CILP: variants seen among roughly 807,000 people sequenced by gnomAD.
CILP encodes the protein cartilage intermediate layer protein 1.
A neutral mutation model predicts 82.5 loss-of-function variants in CILP; 75 were observed. That is an observed-to-expected ratio of 0.91 (90% CI 0.75 to 1.10). CILP has a LOEUF of 1.10. Ranked by LOEUF, CILP falls within the 50% of genes least tolerant of loss-of-function variation. The pLI is 0.00. For missense variants in CILP, 1,479 were observed against 1,530.8 expected (o/e 0.97, Z 0.56); for synonymous variants, 530 against 580.3 (o/e 0.91, Z 1.25).
At chr15:65,208,126 C>T (rs1375768179) in intron 2 of CILP, among the ~76,000 whole-genome samples, 1 of 152,184 alleles carries the variant, frequency 6.6e-6, no homozygotes, top group African/African-American at 2.4e-5. Context: ...TGGCCTGGGA[C>T]TCCTGCTTTG....
Position 65,196,730 on chromosome 15 carries a change from C to T in CILP, c.*1G>A. 1 of 1,524,088 alleles carries T rather than the reference C, an allele frequency of 6.6e-7. No individual in the cohort carries two copies. Among genetic ancestry groups the T allele is most frequent in the Non-Finnish European group, 8.8e-7 (1 of 1,132,982 alleles). The allele number at this position is 1,524,088 out of a possible 1,614,324, so 94.4% of individuals were successfully genotyped here. A position where few individuals can be genotyped will look rare whatever the true frequency, so the allele number is the denominator to read the frequency against. ...CAGAAGAGGGTGAAGTACCACAAAA[C>T]TTAGTTGATCAGGGGCTGTTGAGCA... On this transcript the variant is annotated 3_prime_UTR_variant, in exon 9 of 9. Transcript: ENST00000261883.
At chr15:65,207,889 A>G in intron 2 of CILP, 125 bp from the exon 3 acceptor site, 1 of 734,898 alleles carries the variant, frequency 1.4e-6, no homozygotes, top group Non-Finnish European at 2.4e-6. Flanking sequence ...TTCAAACCCC[A>G]CTCTGCTACT....
chr15:65,204,208 A>G, intron 6 of CILP, 60 bp downstream of exon 6: 1 of 1,492,796 alleles, frequency 6.7e-7, no homozygotes, highest in Non-Finnish European at 9.2e-7. Context: ...TTAGCACTAT[A>G]ATCCCTTTAT....
chr15:65,195,992 C>T lies in CILP; in HGVS notation c.*739G>A, dbSNP rs2088356213. On this transcript the variant is annotated 3_prime_UTR_variant, in exon 9 of 9. Coordinates refer to ENST00000261883, the MANE Select transcript of CILP (RefSeq NM_003613.4). ...GCTCACTTTAATAGTTAAGACAGGACAGTGGCCTCAGAATCGAAATACAGA... is the reference window on the plus strand; with the variant it reads ...GCTCACTTTAATAGTTAAGACAGGATAGTGGCCTCAGAATCGAAATACAGA... The T allele has an allele frequency of 6.6e-6, 1 of 152,184 alleles. No homozygotes were observed. The highest frequency in any genetic ancestry group is 2.4e-5 in the African/African-American group (1 of 41,434). 9.4% of individuals were successfully genotyped at this position (152,184 alleles called of 1,614,324 possible). A position where few individuals can be genotyped will look rare whatever the true frequency, so the allele number is the denominator to read the frequency against.
At chr15:65,203,034 A>G (rs1032709361) in intron 7 of CILP, among the ~76,000 whole-genome samples, 3 of 151,878 alleles carry the variant, frequency 2.0e-5, no homozygotes, top group African/African-American at 4.8e-5. Flanking sequence ...ACAGGGCTTT[A>G]CTATGTTGTC....
intron 6 of CILP, among the ~76,000 whole-genome samples, chr15:65,203,944 A>G (rs1201149281): frequency 6.6e-6 from 1 of 152,242 alleles, no homozygotes; most frequent in Non-Finnish European, 1.5e-5. Context: ...TGAGGGAGCA[A>G]GCCACGCCAA....
intron 2 of CILP, among the ~76,000 whole-genome samples, chr15:65,208,571 G>C (rs1007256517): frequency 2.0e-5 from 3 of 152,126 alleles, no homozygotes. Flanking sequence ...GACTCCTATG[G>C]CCTAATTGGG....
Position 65,197,337 on chromosome 15 carries a change from C to T in CILP, c.2949G>A (p.Lys983=), listed in dbSNP as rs1156603288. Residue 983 remains lysine, a synonymous_variant, in exon 9 of 9, where the codon AAG becomes AAA. Transcript: ENST00000261883. ...TCCTCACATCTCGGATTCCATACAG[C>T]TTCCCCACTGTCTGCCGATGAGTGC... ...MGGTHRQTVG[K]LYGIRDVRST... The T allele has an allele frequency of 4.3e-6, 7 of 1,614,068 alleles. No individual in the cohort carries two copies. Among genetic ancestry groups the T allele is most frequent in the Non-Finnish European group, 5.9e-6 (7 of 1,180,044 alleles).
In CILP at chr15:65,197,846, C is replaced by A; in HGVS notation, c.2440G>T (p.Asp814Tyr). The A allele has an allele frequency of 6.2e-7, 1 of 1,614,114 alleles. No homozygotes were observed. Among genetic ancestry groups the A allele is most frequent in the South Asian group, 1.1e-5 (1 of 91,066 alleles). The change falls in exon 9 of 9, where the codon GAC becomes TAC. Residue 814 changes from aspartate (D) to tyrosine (Y), a missense_variant. Asp to Tyr is a radical substitution (Grantham distance 160). Transcript: ENST00000261883. The stretch of plus-strand genomic sequence containing the variant: ...GCAGAGTAGGCATCAGGGGACTGGT[C>A]ATCACAGAAGGCAGGCACACAGGCC... ...NGACVPAFCD[D>Y]QSPDAYSAYV...
At position 65,197,963 on chromosome 15, in the gene CILP, T is replaced by C. The variant is rs2088395078; in HGVS notation, c.2323A>G (p.Ile775Val). Residue 775 changes from isoleucine to valine, a missense_variant, in exon 9 of 9, where the codon ATC (isoleucine) becomes GTC (valine). Physicochemically the swap from Ile to Val is conservative, Grantham distance 29 (BLOSUM62 3). Transcript: ENST00000261883. ...LPSEQIQGVV[I>V]SVINLEPRTG... is the part of the protein sequence containing the mutation. ...CTAGGCTCCAGGTTAATCACGGAGA[T>C]CACAACCCCCTGGATCTGCTCACTA... The C allele has an allele frequency of 1.2e-6, 2 of 1,614,086 alleles. No individual in the cohort carries two copies. The highest frequency in any genetic ancestry group is 1.7e-5 in the Admixed American group (1 of 60,016).
At chr15:65,201,499 C>T (rs369880105) in intron 8 of CILP, among the ~76,000 whole-genome samples, 26 of 151,698 alleles carry the variant, frequency 1.7e-4, no homozygotes, top group East Asian at 5.8e-4. Flanking sequence ...TTTGGGAGGA[C>T]GAAAGAGGTG....
intron 7 of CILP, among the ~76,000 whole-genome samples, chr15:65,202,512 C>CCAGA (rs543924100): frequency 4.5e-4 from 68 of 152,082 alleles, no homozygotes; most frequent in African/African-American, 1.6e-3. Context: ...ACTGCAACCT[C>CCAGA]CGTCTCCCAG....
At chr15:65,203,524 G>T in intron 6 of CILP, 54 bp from the exon 7 acceptor site, 2 of 1,299,662 alleles carry the variant, frequency 1.5e-6, no homozygotes, top group East Asian at 2.3e-5. Flanking sequence ...GTGTGTGACA[G>T]GTTCTACAGA....
In CILP at chr15:65,197,162, G is replaced by C; in HGVS notation, c.3124C>G (p.Leu1042Val). Residue 1042 changes from leucine (L) to valine (V), a missense_variant, in exon 9 of 9, where the codon CTG (leucine) becomes GTG (valine). Coordinates refer to ENST00000261883, the MANE Select transcript of CILP (RefSeq NM_003613.4). ...SCRRASVNPM[L>V]HEYLVNHLPL... is the part of the protein sequence containing the mutation. The stretch of plus-strand genomic sequence containing the variant: ...AAGTGGTTGACCAGGTACTCATGCA[G>C]CATGGGGTTCACACTGGCTCGACGG... 1.2e-6 allele frequency: 2 copies of C among 1,614,058 alleles called. No individual in the cohort carries two copies. The highest frequency in any genetic ancestry group is 1.7e-6 in the Non-Finnish European group (2 of 1,180,000).
Position 65,198,759 on chromosome 15 carries a change from A to G in CILP, c.1527T>C (p.His509=). 1 of 1,614,146 alleles carries G rather than the reference A, an allele frequency of 6.2e-7. No individual in the cohort carries two copies. The highest frequency in any genetic ancestry group is 8.5e-7 in the Non-Finnish European group (1 of 1,180,022). ...TTACACGGCTGTTCCCCATGTACAC[A>G]TGGCCAAAGCGCATGGGCTCCCCAT... ...ADNGEPMRFG[H]VYMGNSRVSM... The change falls in exon 9 of 9, where the codon CAT becomes CAC. Residue 509 remains histidine, a synonymous_variant. Transcript: ENST00000261883.
In CILP at chr15:65,202,018, T is replaced by G. The variant is rs372356896; in HGVS notation, c.1040A>C (p.Asp347Ala). The G allele has an allele frequency of 2.5e-6, 4 of 1,584,322 alleles. No homozygotes were observed. The African/African-American group carries it at 5.5e-5, about 22-fold the overall frequency. ...RPDKYFWYHN[D>A]TLLDPSLYKH... ...GTAGAGGGAAGGATCCAGCAATGTGTCATTATGATACCTGCAAGGGATGGA... is the reference window on the plus strand; with the variant it reads ...GTAGAGGGAAGGATCCAGCAATGTGGCATTATGATACCTGCAAGGGATGGA... The change falls in exon 8 of 9, where the codon GAC becomes GCC. Residue 347 changes from aspartate to alanine, a missense_variant. Physicochemically the swap from Asp to Ala is moderately radical, Grantham distance 126. Transcript: ENST00000261883.
Position 65,201,917 on chromosome 15 carries a change from C to G in CILP, c.1141G>C (p.Asp381His). 1 of 1,599,072 alleles carries G rather than the reference C, an allele frequency of 6.3e-7. No homozygotes were observed. The highest frequency in any genetic ancestry group is 8.5e-7 in the Non-Finnish European group (1 of 1,173,482). Residue 381 changes from aspartate to histidine, a missense_variant, in exon 8 of 9, where the codon GAT becomes CAT. Transcript: ENST00000261883. ...AGEYFCKAQS[D>H]AGAVKSKVAQ... Reference sequence around the variant, plus strand: ...ACCTTGGACTTCACAGCCCCAGCATCACTCTGGGCCTTGCAAAAGTACTCC... The same window carrying G: ...ACCTTGGACTTCACAGCCCCAGCATGACTCTGGGCCTTGCAAAAGTACTCC...
chr15:65,210,418 G>A (rs2088572872), intron 1 of CILP, among the ~76,000 whole-genome samples: 1 of 152,136 alleles, frequency 6.6e-6, no homozygotes, highest in African/African-American at 2.4e-5. Flanking sequence ...TTTTGTTTGG[G>A]GCCTGACTGG....
chr15:65,207,873 C>A, intron 2 of CILP, 109 bp from the exon 3 acceptor site: 1 of 906,878 alleles, frequency 1.1e-6, no homozygotes, highest in Non-Finnish European at 1.8e-6. Context: ...GAGCACCAGG[C>A]ATGGGTTCAA....
Sources: allele counts gnomAD v4.1 joint callset (sites outside exome capture counted in the v4.1 genomes callset), GRCh38; gene constraint gnomAD v4.1.1; transcripts MANE v1.5; gene names NCBI Gene and HGNC (gene_info 2026-07-23, HGNC 2026-07-21).